The following USP6NL variants were observed in gnomAD, a reference collection of about 807,000 sequenced individuals.
USP6NL encodes the protein USP6 N-terminal-like protein.
In USP6NL, 26 loss-of-function variants were observed where a neutral mutation model predicts 61.9. The ratio of observed to expected loss-of-function variants is 0.42; its 90% CI spans 0.31 to 0.58. The LOEUF (loss-of-function observed/expected upper bound fraction) is 0.58, where lower values mean the gene tolerates loss of function less well. Ranked by LOEUF, USP6NL falls within the 20% of genes least tolerant of loss-of-function variation. The pLI is 0.16. For synonymous variants in USP6NL, 432 were observed against 390.1 expected (o/e 1.11, Z -1.27); for missense variants, 1,114 against 1,034.3 (o/e 1.08, Z -1.06).
intron 2 of USP6NL, among the ~76,000 whole-genome samples, chr10:11,567,057 T>C (rs1405550270): frequency 6.6e-6 from 1 of 152,214 alleles, no homozygotes; most frequent in African/African-American, 2.4e-5. Flanking sequence ...AAGGCTGCAG[T>C]GAACTATGAT....
intron 14 of USP6NL, among the ~76,000 whole-genome samples, chr10:11,475,163 A>AACCAGT (rs1179795148): frequency 1.3e-5 from 2 of 152,178 alleles, no homozygotes; most frequent in African/African-American, 4.8e-5. Flanking sequence ...CATGGGGGAA[A>AACCAGT]ACCAGTAAAC....
chr10:11,593,144 T>C (rs1838209096), intron 2 of USP6NL, among the ~76,000 whole-genome samples: 1 of 152,238 alleles, frequency 6.6e-6, no homozygotes, highest in East Asian at 1.9e-4. Context: ...GAAAAACTCT[T>C]AGGAAATCTA....
intron 2 of USP6NL, among the ~76,000 whole-genome samples, chr10:11,584,931 CCT>C (rs1211826706): frequency 6.6e-6 from 1 of 152,006 alleles, no homozygotes; most frequent in Non-Finnish European, 1.5e-5. Flanking sequence ...GAGCAAGACC[CCT>C]GTCTCAAAAA....
chr10:11,597,580 T>C lies in USP6NL; in HGVS notation c.4+51A>G. On this transcript the variant is annotated intron_variant, in intron 2 of 14. Transcript: ENST00000609104. The surrounding 1 kb of genome is among the most constrained non-coding windows in gnomAD (Gnocchi z 4.6). ...CATGTTTTTCTTCTCCTAAGCACAA[T>C]ACAGCAAACGCTCCTGAGATGGCTG... The C allele has an allele frequency of 6.5e-7, 1 of 1,541,560 alleles. No homozygotes were observed. Among genetic ancestry groups the C allele is most frequent in the Non-Finnish European group, 8.8e-7 (1 of 1,137,730 alleles).
In USP6NL at chr10:11,518,120, C is replaced by T. The variant is rs1468288148; in HGVS notation, c.195+415G>A. On this transcript the variant is annotated intron_variant, in intron 5 of 14. Coordinates refer to ENST00000609104, the MANE Select transcript of USP6NL (RefSeq NM_014688.5). This position sits in a 1 kb window ranked among gnomAD's most constrained non-coding sequence, Gnocchi z 5.3. ...AGAAATTTACTAAAATCTCCTGGAA[C>T]AGTCACATTTCAAAGAACTGCTGGT... Among the ~76,000 whole-genome samples, 1 of 152,230 alleles carries T rather than the reference C, an allele frequency of 6.6e-6. No individual in the cohort carries two copies. Among genetic ancestry groups the T allele is most frequent in the Non-Finnish European group, 1.5e-5 (1 of 68,038 alleles).
At chr10:11,503,834 GA>G (rs1834319555) in intron 6 of USP6NL, among the ~76,000 whole-genome samples, 1 of 152,006 alleles carries the variant, frequency 6.6e-6, no homozygotes, top group African/African-American at 2.4e-5. Context: ...GAATCACAAA[GA>G]GGTTAAATAA....
intron 2 of USP6NL, among the ~76,000 whole-genome samples, chr10:11,582,587 C>T (rs1025057131): frequency 6.6e-6 from 1 of 152,182 alleles, no homozygotes; most frequent in Non-Finnish European, 1.5e-5. Flanking sequence ...ACAACATTAT[C>T]CTTCTCTCAT....
chr10:11,464,110 A>T (rs998475020), intron 14 of USP6NL, among the ~76,000 whole-genome samples: 2 of 152,228 alleles, frequency 1.3e-5, no homozygotes, highest in Admixed American at 6.5e-5. Flanking sequence ...TGTACAGAGC[A>T]GGAGAGTGCC....
chr10:11,578,564 A>G (rs1434322505), intron 2 of USP6NL, among the ~76,000 whole-genome samples: 1 of 152,204 alleles, frequency 6.6e-6, no homozygotes, highest in African/African-American at 2.4e-5. Context: ...TGATTGCACC[A>G]CTGCACTCCA....
chr10:11,587,266 C>G lies in USP6NL; in HGVS notation c.4+10365G>C, dbSNP rs1023626329. Among the ~76,000 whole-genome samples, 2 of 152,022 alleles carry G rather than the reference C, an allele frequency of 1.3e-5. No individual in the cohort carries two copies. Among genetic ancestry groups the G allele is most frequent in the Non-Finnish European group, 2.9e-5 (2 of 68,006 alleles). On this transcript the variant is annotated intron_variant, in intron 2 of 14. Transcript: ENST00000609104. This position sits in a 1 kb window ranked among gnomAD's most constrained non-coding sequence, Gnocchi z 4.5. ...TCTCCCTTAAAACTTGTTTTAAAAT[C>G]GAAGATTCAAACACCATGACCCCTA...
chr10:11,527,377 C>G lies in USP6NL; in HGVS notation c.72+123G>C, dbSNP rs1488785275. 5.1e-6 allele frequency: 4 copies of G among 785,442 alleles called. No homozygotes were observed. In the East Asian group the frequency reaches 1.1e-4, roughly 21 times the overall value. The allele number at this position is 785,442 out of a possible 1,614,324, so 48.7% of individuals were successfully genotyped here. On this transcript the variant is annotated intron_variant, in intron 3 of 14. Transcript: ENST00000609104. ...GAGATGAAGTCAGCGAAGATGATCTCTATGTCCCCATGAAGTTAAACAAAC... is the reference window on the plus strand; with the variant it reads ...GAGATGAAGTCAGCGAAGATGATCTGTATGTCCCCATGAAGTTAAACAAAC...
chr10:11,525,435 C>A lies in USP6NL; in HGVS notation c.106G>T (p.Asp36Tyr). 1.3e-6 allele frequency: 2 copies of A among 1,598,960 alleles called. No homozygotes were observed. Residue 36 changes from aspartate (D) to tyrosine (Y), a missense_variant, in exon 4 of 15, where the codon GAT becomes TAT. Physicochemically the swap from Asp to Tyr is radical, Grantham distance 160. Transcript: ENST00000609104. This position sits in a 1 kb window ranked among gnomAD's most constrained non-coding sequence, Gnocchi z 5.0. ...ACTTTGTAAACAAGGTAATCAGCAT[C>A]TTCCCAAGGTTCAATCTCTGCACCT... is the stretch of plus-strand genomic sequence containing the variant. ...REGAEIEPWE[D>Y]ADYLVYKVTD...
At chr10:11,580,961 A>T (rs1279257688) in intron 2 of USP6NL, among the ~76,000 whole-genome samples, 3 of 152,102 alleles carry the variant, frequency 2.0e-5, no homozygotes, top group African/African-American at 7.2e-5. Context: ...TAAATATAAA[A>T]AGTACAAGAG....
At position 11,463,704 on chromosome 10, in the gene USP6NL, G is replaced by T; in HGVS notation, c.1224C>A (p.Pro408=). 1 of 1,612,438 alleles carries T rather than the reference G, an allele frequency of 6.2e-7. No homozygotes were observed. Among genetic ancestry groups the T allele is most frequent in the Non-Finnish European group, 8.5e-7 (1 of 1,179,104 alleles). ...LASGRRESGA[P]HRRHEHSPHP... ...GCGGGGAGTGCTCGTGCCTCCTGTG[G>T]GGCGCCCCGCTCTCCCTCCTGCCGC... The change falls in exon 15 of 15, where the codon CCC becomes CCA. Residue 408 remains proline (P), a synonymous_variant. Coordinates refer to ENST00000609104, the MANE Select transcript of USP6NL (RefSeq NM_014688.5). This position sits in a 1 kb window ranked among gnomAD's most constrained non-coding sequence, Gnocchi z 6.3.
chr10:11,564,577 C>A (rs983510987), intron 2 of USP6NL: 4 of 152,188 alleles, frequency 2.6e-5, no homozygotes, highest in African/African-American at 9.7e-5. Context: ...CCTCAAGAAG[C>A]TCACAGCTTA....
At chr10:11,502,874 G>A (rs1322198051) in intron 6 of USP6NL, among the ~76,000 whole-genome samples, 2 of 152,188 alleles carry the variant, frequency 1.3e-5, no homozygotes, top group Non-Finnish European at 1.5e-5. Context: ...TACAGTCATA[G>A]AAATTTTAAT....
At chr10:11,484,398 T>G (rs1410528572) in intron 13 of USP6NL, among the ~76,000 whole-genome samples, 1 of 89,678 alleles carries the variant, frequency 1.1e-5, no homozygotes, top group Non-Finnish European at 2.4e-5. Flanking sequence ...ATTCTCCAGT[T>G]TTTTTTTTTT....
At chr10:11,493,359 A>G in intron 7 of USP6NL, 131 bp from the exon 8 acceptor site, 1 of 711,268 alleles carries the variant, frequency 1.4e-6, no homozygotes, top group Non-Finnish European at 2.3e-6. Context: ...AAAAATCAAA[A>G]CTATATATAC....
At chr10:11,552,818 T>C (rs1836543384) in intron 2 of USP6NL, among the ~76,000 whole-genome samples, 1 of 152,224 alleles carries the variant, frequency 6.6e-6, no homozygotes, top group African/African-American at 2.4e-5. Context: ...TTTGCTGCTT[T>C]ATTATTTTTT....
Sources: allele counts gnomAD v4.1 joint callset (sites outside exome capture counted in the v4.1 genomes callset), GRCh38; gene constraint gnomAD v4.1.1; non-coding constraint Gnocchi (gnomAD v3.1); transcripts MANE v1.5; gene names NCBI Gene and HGNC (gene_info 2026-07-23, HGNC 2026-07-21).